Variants in PALLD observed in about 807,000 individuals in gnomAD.
PALLD encodes the protein palladin.
In PALLD, 61 loss-of-function variants were observed where a neutral mutation model predicts 123.5. The ratio of observed to expected loss-of-function variants is 0.49; its 90% CI spans 0.40 to 0.61. The LOEUF (loss-of-function observed/expected upper bound fraction) is 0.61, where lower values mean the gene tolerates loss of function less well. PALLD is among the 20% of genes least tolerant of loss of function. PALLD has a pLI of 0.00. For missense variants in PALLD, 1,273 were observed against 1,377.0 expected (o/e 0.92, Z 1.20); for synonymous variants, 465 against 496.4 (o/e 0.94, Z 0.84).
At chr4:168,591,600 G>C (rs776186025) in intron 2 of PALLD, among the ~76,000 whole-genome samples, 1 of 152,010 alleles carries the variant, frequency 6.6e-6, no homozygotes, top group Non-Finnish European at 1.5e-5. Flanking sequence ...CCAACCCTGC[G>C]TATAATCTCA....
intron 2 of PALLD, among the ~76,000 whole-genome samples, chr4:168,634,198 C>T (rs144552896): frequency 1.1e-4 from 17 of 152,312 alleles, no homozygotes; most frequent in African/African-American, 4.1e-4. Flanking sequence ...CTTTCAAAGC[C>T]TATCAAGTGA....
At chr4:168,919,927 G>A (rs913368236) in intron 17 of PALLD, among the ~76,000 whole-genome samples, 4 of 152,186 alleles carry the variant, frequency 2.6e-5, no homozygotes, top group Admixed American at 6.5e-5. Context: ...GCCCTAGCAT[G>A]AGTAACTATC....
intron 2 of PALLD, among the ~76,000 whole-genome samples, chr4:168,660,822 G>C (rs1385346901): frequency 6.6e-6 from 1 of 151,860 alleles, no homozygotes; most frequent in Non-Finnish European, 1.5e-5. Context: ...TATATCCAAA[G>C]AAACTTAATC....
intron 2 of PALLD, among the ~76,000 whole-genome samples, chr4:168,550,587 AGAGT>A (rs754001489): frequency 0.14 from 20,725 of 152,060 alleles, 1,635 homozygotes; most frequent in East Asian, 0.27. Context: ...AGCCACTGGG[AGAGT>A]CTCCCCGTGC....
intron 15 of PALLD, among the ~76,000 whole-genome samples, chr4:168,913,293 C>T (rs545107104): frequency 3.3e-5 from 5 of 152,032 alleles, no homozygotes; most frequent in South Asian, 2.1e-4. Context: ...CATGCCACCA[C>T]GCCCGGCTAA....
intron 10 of PALLD, among the ~76,000 whole-genome samples, chr4:168,729,111 A>G (rs1786892180): frequency 6.6e-6 from 1 of 152,212 alleles, no homozygotes; most frequent in African/African-American, 2.4e-5. Flanking sequence ...AAAAGAAGGT[A>G]CACGTTTTAA....
At chr4:168,707,043 C>G (rs1270483549) in intron 8 of PALLD, among the ~76,000 whole-genome samples, 1 of 152,078 alleles carries the variant, frequency 6.6e-6, no homozygotes, top group African/African-American at 2.4e-5. Context: ...ATATTTAAAG[C>G]TCTCTTCAAT....
chr4:168,913,966 G>A lies in PALLD; in HGVS notation c.2662G>A (p.Val888Ile). 1 of 1,613,422 alleles carries A rather than the reference G, an allele frequency of 6.2e-7. No individual in the cohort carries two copies. Among genetic ancestry groups the A allele is most frequent in the Non-Finnish European group, 8.5e-7 (1 of 1,179,360 alleles). Residue 888 changes from valine to isoleucine, a missense_variant, in exon 16 of 22, where the codon GTC becomes ATC. This residue lies in a region of PALLD where 329 missense variants were observed against 422.5 expected (regional missense o/e 0.78). Transcript: ENST00000505667. Reference protein sequence around the residue: ...SCTGRLMVQAVNQRGRSPRSP... With the variant: ...SCTGRLMVQAINQRGRSPRSP... ...TACTGGACGGCTAATGGTACAGGCT[G>A]TCAACCAAAGAGGTCGAAGTCCCCG...
At chr4:168,890,002 T>A (rs183633186) in intron 10 of PALLD, among the ~76,000 whole-genome samples, 2 of 152,354 alleles carry the variant, frequency 1.3e-5, no homozygotes, top group African/African-American at 4.8e-5. Context: ...AAGTTCAGCT[T>A]TGTTGATATG....
chr4:168,855,701 G>C (rs1437414432), intron 10 of PALLD, among the ~76,000 whole-genome samples: 4 of 152,144 alleles, frequency 2.6e-5, no homozygotes, highest in South Asian at 2.1e-4. Context: ...AGATTAAAGG[G>C]CCCACATTTG....
chr4:168,715,343 G>C (rs1785245517), intron 10 of PALLD, among the ~76,000 whole-genome samples: 1 of 152,174 alleles, frequency 6.6e-6, no homozygotes, highest in South Asian at 2.1e-4. Flanking sequence ...CACAGGATTT[G>C]TGCAACGCCT....
At chr4:168,739,077 A>G (rs1051630090) in intron 10 of PALLD, among the ~76,000 whole-genome samples, 36 of 152,242 alleles carry the variant, frequency 2.4e-4, no homozygotes, top group African/African-American at 8.2e-4. Context: ...CTCCCATTCC[A>G]TTCATGTTGC....
chr4:168,633,329 T>C (rs983747289), intron 2 of PALLD, among the ~76,000 whole-genome samples: 2 of 152,198 alleles, frequency 1.3e-5, no homozygotes, highest in African/African-American at 4.8e-5. Flanking sequence ...TACATGAAGA[T>C]GTTATGAGCA....
At chr4:168,567,574 G>GAT (rs1768531603) in intron 2 of PALLD, among the ~76,000 whole-genome samples, 1 of 92,542 alleles carries the variant, frequency 1.1e-5, no homozygotes, top group South Asian at 3.3e-4. Context: ...TGTGTATGTA[G>GAT]ATATATATAT....
intron 2 of PALLD, among the ~76,000 whole-genome samples, chr4:168,559,240 T>C (rs766292617): frequency 5.9e-5 from 9 of 152,342 alleles, no homozygotes; most frequent in Non-Finnish European, 5.9e-5. Context: ...GTTGACTGTT[T>C]AGCCTCTGAA....
chr4:168,800,351 A>T (rs1435886260), intron 10 of PALLD, among the ~76,000 whole-genome samples: 1 of 152,220 alleles, frequency 6.6e-6, no homozygotes, highest in Non-Finnish European at 1.5e-5. Flanking sequence ...TTATGTAGAC[A>T]ACACTGGACC....
rs1762581825 is a variant in PALLD at position 168,926,377 on chromosome 4, G to A, written c.*197G>A. The A allele has an allele frequency of 1.3e-6, 2 of 1,536,622 alleles. No individual in the cohort carries two copies. The highest frequency in any genetic ancestry group is 8.7e-7 in the Non-Finnish European group (1 of 1,146,350). On this transcript the variant is annotated 3_prime_UTR_variant, in exon 22 of 22. Coordinates refer to ENST00000505667, the MANE Select transcript of PALLD (RefSeq NM_001166108.2). ...GAATACTGCCTTGGTAGAAAGTGAGGACCTGTAATCCAGCATTCTTGTTAA... is the reference window on the plus strand; with the variant it reads ...GAATACTGCCTTGGTAGAAAGTGAGAACCTGTAATCCAGCATTCTTGTTAA...
At chr4:168,760,757 G>T (rs555725551) in intron 10 of PALLD, among the ~76,000 whole-genome samples, 5 of 152,298 alleles carry the variant, frequency 3.3e-5, no homozygotes, top group Non-Finnish European at 7.4e-5. Context: ...ACCAAGAAAA[G>T]ACTTTTCTGT....
chr4:168,799,614 C>T (rs147524604), intron 10 of PALLD, among the ~76,000 whole-genome samples: 1 of 152,274 alleles, frequency 6.6e-6, no homozygotes, highest in East Asian at 1.9e-4. Context: ...GCAATAATTC[C>T]TGTGCTTGTT....
Sources: allele counts gnomAD v4.1 joint callset (sites outside exome capture counted in the v4.1 genomes callset), GRCh38; gene constraint gnomAD v4.1.1; regional missense constraint gnomAD v4.1.1; transcripts MANE v1.5; gene names NCBI Gene and HGNC (gene_info 2026-07-23, HGNC 2026-07-21).